The following CLSTN2 variants were observed in gnomAD, a reference collection of about 807,000 sequenced individuals.
CLSTN2 encodes calsyntenin 2, also known as calsyntenin-2.
In CLSTN2, 48 loss-of-function variants were observed where a neutral mutation model predicts 101.2. The ratio of observed to expected loss-of-function variants is 0.47; its 90% CI spans 0.38 to 0.60. The LOEUF (loss-of-function observed/expected upper bound fraction) is 0.60. CLSTN2 is among the 20% of genes least tolerant of loss of function. CLSTN2 has a pLI of 0.00. For missense variants in CLSTN2, 1,160 were observed against 1,238.2 expected, an observed-to-expected ratio of 0.94 and a Z score of 0.95; for synonymous variants, 481 against 463.6, an observed-to-expected ratio of 1.04 and a Z score of -0.48.
intron 1 of CLSTN2, among the ~76,000 whole-genome samples, chr3:140,078,767 G>A (rs1164022793): frequency 6.6e-6 from 1 of 152,162 alleles, no homozygotes; most frequent in Non-Finnish European, 1.5e-5. Context: ...TTATTTCTGG[G>A]ATGGCTTTTA....
intron 1 of CLSTN2, among the ~76,000 whole-genome samples, chr3:139,944,976 C>T (rs892071513): frequency 2.6e-5 from 4 of 152,170 alleles, no homozygotes; most frequent in African/African-American, 7.2e-5. Flanking sequence ...GAAAGGCTGT[C>T]GGTGTTTTTC....
chr3:140,333,971 A>T (rs1218472534), intron 2 of CLSTN2, among the ~76,000 whole-genome samples: 6 of 152,186 alleles, frequency 3.9e-5, no homozygotes, highest in Non-Finnish European at 8.8e-5. Flanking sequence ...TCTGGATGAT[A>T]TGTCACTTTG....
intron 2 of CLSTN2, among the ~76,000 whole-genome samples, chr3:140,188,623 A>T (rs966267322): frequency 1.3e-5 from 2 of 152,204 alleles, no homozygotes; most frequent in African/African-American, 4.8e-5. Flanking sequence ...GACTGTGGTG[A>T]TTCAAAGAGG....
At chr3:140,224,597 C>CA (rs2086302850) in intron 2 of CLSTN2, among the ~76,000 whole-genome samples, 1 of 152,096 alleles carries the variant, frequency 6.6e-6, no homozygotes, top group Non-Finnish European at 1.5e-5. Flanking sequence ...TGAAGCATCA[C>CA]AAAAAGTCAG....
chr3:140,268,773 C>A (rs2086716920), intron 2 of CLSTN2, among the ~76,000 whole-genome samples: 1 of 152,094 alleles, frequency 6.6e-6, no homozygotes, highest in African/African-American at 2.4e-5. Context: ...TGGGCAGTGG[C>A]AGTATATAAT....
chr3:140,429,288 G>T (rs752763262), intron 5 of CLSTN2, among the ~76,000 whole-genome samples: 2 of 152,102 alleles, frequency 1.3e-5, no homozygotes, highest in Non-Finnish European at 2.9e-5. Flanking sequence ...CCAGAACTCC[G>T]ATTATAGAAG....
intron 5 of CLSTN2, among the ~76,000 whole-genome samples, chr3:140,442,559 A>G (rs1932954487): frequency 6.6e-6 from 1 of 152,060 alleles, no homozygotes. Flanking sequence ...AATTTAACTC[A>G]ATAGAATTGA....
intron 1 of CLSTN2, among the ~76,000 whole-genome samples, chr3:139,944,909 C>T (rs1291472325): frequency 6.6e-6 from 1 of 152,222 alleles, no homozygotes; most frequent in Non-Finnish European, 1.5e-5. Context: ...AGAACATTAA[C>T]CACCTTGAAA....
At chr3:140,135,117 C>CAAAT (rs1488268767) in intron 1 of CLSTN2, among the ~76,000 whole-genome samples, 1 of 58,106 alleles carries the variant, frequency 1.7e-5, no homozygotes, top group Non-Finnish European at 3.0e-5. Context: ...CACACACACA[C>CAAAT]ATATATATAT....
rs958457403 is a variant in CLSTN2 at position 140,349,787 on chromosome 3, C to T, written c.233-53842C>T. Among the ~76,000 whole-genome samples the T allele has an allele frequency of 5.9e-5, 9 of 152,192 alleles. No individual in the cohort carries two copies. In the East Asian group the frequency reaches 1.7e-3, roughly 29 times the overall value. Reference sequence around the variant, plus strand: ...TTTCACCTTGGCTCCACGACAGTTTCCTCTTCTAACAAGACTCTAAAACTG... The same window carrying T: ...TTTCACCTTGGCTCCACGACAGTTTTCTCTTCTAACAAGACTCTAAAACTG... On this transcript the variant is annotated intron_variant, in intron 2 of 16. Coordinates refer to ENST00000458420, the MANE Select transcript of CLSTN2 (RefSeq NM_022131.3).
chr3:140,171,629 T>TGTGTGTGTGTGTGTTTGC (rs1559797083), intron 1 of CLSTN2, among the ~76,000 whole-genome samples: 43 of 124,166 alleles, frequency 3.5e-4, no homozygotes, highest in African/African-American at 1.2e-3. Context: ...ATATAATATG[T>TGTGTGTGTGTGTGTTTGC]ATTATATATT....
At chr3:140,122,548 C>T (rs1473184176) in intron 1 of CLSTN2, among the ~76,000 whole-genome samples, 2 of 152,238 alleles carry the variant, frequency 1.3e-5, no homozygotes, top group Admixed American at 6.5e-5. Flanking sequence ...GAAGAAGCCT[C>T]TTGAGCGCTC....
At chr3:140,096,286 TTCTA>T (rs2008868010) in intron 1 of CLSTN2, among the ~76,000 whole-genome samples, 1 of 152,178 alleles carries the variant, frequency 6.6e-6, no homozygotes, top group Non-Finnish European at 1.5e-5. Context: ...CTCTGGCCAA[TTCTA>T]TCTAATGCAA....
chr3:140,116,882 C>A (rs1457562271), intron 1 of CLSTN2, among the ~76,000 whole-genome samples: 1 of 152,182 alleles, frequency 6.6e-6, no homozygotes, highest in Non-Finnish European at 1.5e-5. Flanking sequence ...TAGCAAAGTG[C>A]ACTGAGTGCT....
intron 5 of CLSTN2, among the ~76,000 whole-genome samples, chr3:140,432,594 C>G (rs2088644009): frequency 6.6e-6 from 1 of 152,288 alleles, no homozygotes; most frequent in South Asian, 2.1e-4. Flanking sequence ...TTTGACATCA[C>G]TGACATAGCT....
At chr3:139,956,076 C>T (rs761461407) in intron 1 of CLSTN2, among the ~76,000 whole-genome samples, 7 of 152,150 alleles carry the variant, frequency 4.6e-5, no homozygotes, top group African/African-American at 7.2e-5. Flanking sequence ...TCCCTTGTCA[C>T]GACTCTGTGA....
At chr3:140,477,432 T>C (rs966534605) in intron 8 of CLSTN2, among the ~76,000 whole-genome samples, 1 of 152,130 alleles carries the variant, frequency 6.6e-6, no homozygotes, top group Non-Finnish European at 1.5e-5. Flanking sequence ...CACTAACTCT[T>C]TGTGGTTTTA....
intron 1 of CLSTN2, among the ~76,000 whole-genome samples, chr3:140,159,966 A>G (rs1209892987): frequency 6.6e-6 from 1 of 152,120 alleles, no homozygotes; most frequent in African/African-American, 2.4e-5. Flanking sequence ...TTGGGTACTC[A>G]TGGACATAAA....
intron 1 of CLSTN2, among the ~76,000 whole-genome samples, chr3:139,936,566 T>TCA (rs1935025557): frequency 6.6e-6 from 1 of 152,212 alleles, no homozygotes; most frequent in Non-Finnish European, 1.5e-5. Flanking sequence ...GGTTTGCGCC[T>TCA]GTCAGAAAAT....
Sources: gnomAD v4.1 joint callset for allele counts (sites outside exome capture counted in the v4.1 genomes callset) on GRCh38, gnomAD v4.1.1 for gene constraint, MANE v1.5 for transcripts, NCBI Gene and HGNC (gene_info 2026-07-23, HGNC 2026-07-21) for gene names.